P2RY12: variants seen among roughly 807,000 people sequenced by gnomAD.
P2RY12 encodes the protein purinergic receptor P2Y12, also known as P2Y purinoceptor 12.
P2RY12 carries 3 observed loss-of-function variants against 4.5 expected under a neutral mutation model. The observed-to-expected ratio is 0.67, with a 90% confidence interval of 0.31 to 1.74. The LOEUF is 1.74. Ranked by LOEUF, P2RY12 falls within the 40% of genes most tolerant of loss-of-function variation. The pLI is 0.09. For synonymous variants in P2RY12, 148 were observed against 154.1 expected, an observed-to-expected ratio of 0.96 and a Z score of 0.29; for missense variants, 356 against 407.8, an observed-to-expected ratio of 0.87 and a Z score of 1.09.
chr3:151,354,240 A>G (rs1753650271), intron 1 of P2RY12, among the ~76,000 whole-genome samples: 3 of 151,826 alleles, frequency 2.0e-5, no homozygotes, highest in Non-Finnish European at 4.4e-5. Flanking sequence ...TGTCTTTGTA[A>G]ACATAAAATA....
In P2RY12 at chr3:151,337,829, C is replaced by A. The variant is rs1167999499; in HGVS notation, c.1017G>T (p.Glu339Asp). The change falls in exon 3 of 3, where the codon GAG (glutamate) becomes GAT (aspartate). Residue 339 changes from glutamate to aspartate, a missense_variant. Glu to Asp is a conservative substitution (Grantham distance 45). Transcript: ENST00000302632. ...KEQDGGDPNE[E>D]TPM is the part of the protein sequence containing the mutation. ...TTAGTTAATTTGTTTACATTGGAGTCTCTTCATTTGGGTCACCACCATCCT... is the reference window on the plus strand; with the variant it reads ...TTAGTTAATTTGTTTACATTGGAGTATCTTCATTTGGGTCACCACCATCCT... 1.2e-6 allele frequency: 2 copies of A among 1,613,916 alleles called. No homozygotes were observed. The highest frequency in any genetic ancestry group is 1.1e-5 in the South Asian group (1 of 91,068).
chr3:151,368,217 A>T, intron 1 of P2RY12: 1 of 1,613,962 alleles, frequency 6.2e-7, no homozygotes, highest in Non-Finnish European at 8.5e-7. Flanking sequence ...ATCTCTTCCG[A>T]GCTCCCCAGG....
chr3:151,378,616 C>T (rs933219775), intron 1 of P2RY12, among the ~76,000 whole-genome samples: 1 of 152,036 alleles, frequency 6.6e-6, no homozygotes, highest in Non-Finnish European at 1.5e-5. Context: ...CTAGACTAGA[C>T]ATTAAGACTC....
chr3:151,383,714 T>A, intron 1 of P2RY12: 1 of 1,006,790 alleles, frequency 9.9e-7, no homozygotes, highest in Non-Finnish European at 1.5e-6. Context: ...TTTGATAACA[T>A]AAAGCAATGG....
At chr3:151,363,973 C>A (rs534894058) in intron 1 of P2RY12, among the ~76,000 whole-genome samples, 4 of 152,104 alleles carry the variant, frequency 2.6e-5, no homozygotes, top group African/African-American at 9.6e-5. Flanking sequence ...TTCCTGGCTG[C>A]CATTGATGCA....
intron 1 of P2RY12, among the ~76,000 whole-genome samples, chr3:151,375,448 C>T (rs1340304839): frequency 2.6e-5 from 4 of 152,114 alleles, no homozygotes; most frequent in African/African-American, 7.2e-5. Context: ...TCATTAACCC[C>T]ATGCATCTAT....
intron 1 of P2RY12, among the ~76,000 whole-genome samples, chr3:151,365,579 G>A (rs1755174085): frequency 1.3e-5 from 2 of 152,138 alleles, no homozygotes; most frequent in Admixed American, 1.3e-4. Flanking sequence ...GTAAATCGTA[G>A]CTCAGATTTA....
intron 1 of P2RY12, among the ~76,000 whole-genome samples, chr3:151,361,881 A>C (rs1466858550): frequency 6.6e-6 from 1 of 152,090 alleles, no homozygotes; most frequent in African/African-American, 2.4e-5. Flanking sequence ...TGCTACCCCC[A>C]CAGGCAGCAC....
chr3:151,364,105 A>C (rs555445916), intron 1 of P2RY12, among the ~76,000 whole-genome samples: 2 of 152,268 alleles, frequency 1.3e-5, no homozygotes, highest in South Asian at 4.1e-4. Flanking sequence ...GCTTTTGAGT[A>C]GAGAGAGTGA....
At position 151,376,887 on chromosome 3, in the gene P2RY12, T is replaced by C. The variant is rs746390895; in HGVS notation, c.-180+7805A>G. ...CTTGAAGGACCCTGTGAGTTTATAT[T>C]GAAAGCTTATCTCTGTATGAAATTT... On this transcript the variant is annotated intron_variant, in intron 1 of 2. Coordinates refer to ENST00000302632, the MANE Select transcript of P2RY12 (RefSeq NM_022788.5). 7.4e-6 allele frequency: 12 copies of C among 1,613,496 alleles called. No individual in the cohort carries two copies. The African/African-American group carries it at 1.5e-4, about 20-fold the overall frequency.
At chr3:151,341,762 GT>G (rs1751861769) in intron 1 of P2RY12, among the ~76,000 whole-genome samples, 1 of 149,396 alleles carries the variant, frequency 6.7e-6, no homozygotes, top group Admixed American at 6.7e-5. Flanking sequence ...AGAGTGTAGT[GT>G]TTCCCTTCCT....
chr3:151,368,156 G>T, intron 1 of P2RY12: 3 of 1,613,868 alleles, frequency 1.9e-6, no homozygotes, highest in Non-Finnish European at 2.5e-6. Flanking sequence ...CTAGCTTGTG[G>T]GGATGCGGAC....
chr3:151,364,285 C>T (rs909404288), intron 1 of P2RY12, among the ~76,000 whole-genome samples: 1 of 152,170 alleles, frequency 6.6e-6, no homozygotes, highest in Admixed American at 6.5e-5. Context: ...CTGATTCAGA[C>T]GTAACTCACT....
Position 151,355,490 on chromosome 3 carries a change from ATAGT to A in P2RY12, c.-179-14734_-179-14731del, listed in dbSNP as rs1346001178. Among the ~76,000 whole-genome samples the A allele has an allele frequency of 3.3e-5, 5 of 152,184 alleles. No homozygotes were observed. The East Asian group carries it at 7.7e-4, about 23-fold the overall frequency. On this transcript the variant is annotated intron_variant, in intron 1 of 2. Transcript: ENST00000302632. ...GACATATAAAGTAATAGCTAATGAA[ATAGT>A]TAGGTTATTAGAGTTTGGTCCTATA...
chr3:151,375,386 A>T (rs751691680), intron 1 of P2RY12, among the ~76,000 whole-genome samples: 2 of 152,182 alleles, frequency 1.3e-5, no homozygotes, highest in Non-Finnish European at 2.9e-5. Context: ...TTTGAAAAAA[A>T]TGGTAAAGAA....
chr3:151,369,506 A>G lies in P2RY12; in HGVS notation c.-180+15186T>C, dbSNP rs368096757. 23 of 1,612,030 alleles carry G rather than the reference A, an allele frequency of 1.4e-5. No homozygotes were observed. The African/African-American group carries it at 2.9e-4, about 21-fold the overall frequency. ...TAGCCGCTGCTCACAACAGCATTGA[A>G]GTGGGAGCCGTGTTTGCTGTCTTAA... On this transcript the variant is annotated intron_variant, in intron 1 of 2. Transcript: ENST00000302632.
chr3:151,345,500 CTTTCTTTTTTCTT>C (rs927562245), intron 1 of P2RY12, among the ~76,000 whole-genome samples: 3 of 105,486 alleles, frequency 2.8e-5, no homozygotes, highest in Non-Finnish European at 4.2e-5. Flanking sequence ...TCTACGTTTT[CTTTCTTTTTTCTT>C]TTTCTTTTTT....
At chr3:151,360,494 A>T in intron 1 of P2RY12, 1 of 1,612,730 alleles carries the variant, frequency 6.2e-7, no homozygotes, top group Non-Finnish European at 8.5e-7. Flanking sequence ...GTGGTCAAGC[A>T]TGTCGTAAAC....
chr3:151,352,673 G>C (rs1753382332), intron 1 of P2RY12, among the ~76,000 whole-genome samples: 1 of 152,124 alleles, frequency 6.6e-6, no homozygotes. Flanking sequence ...GATCAGCCAG[G>C]TCTTGCCTAG....
Sources: allele counts gnomAD v4.1 joint callset (sites outside exome capture counted in the v4.1 genomes callset), GRCh38; gene constraint gnomAD v4.1.1; transcripts MANE v1.5; gene names NCBI Gene and HGNC (gene_info 2026-07-23, HGNC 2026-07-21).